HGS: variants seen among roughly 807,000 people sequenced by gnomAD.
The protein encoded by HGS is human growth factor-regulated tyrosine kinase substrate.
HGS carries 63 observed loss-of-function variants against 109.7 expected under a neutral mutation model. The observed-to-expected ratio is 0.57, with a 90% CI of 0.47 to 0.71. HGS has a LOEUF of 0.71. Ranked by LOEUF, HGS falls within the 30% of genes least tolerant of loss-of-function variation. HGS has a pLI of 0.00. For missense variants in HGS, 995 were observed against 1,068.3 expected (o/e 0.93, Z 0.96); for synonymous variants, 546 against 437.3 (o/e 1.25, Z -3.10).
In HGS at chr17:81,695,036, A is replaced by T. The variant is rs1233497594; in HGVS notation, c.1088A>T (p.Glu363Val). Reference protein sequence around the residue: ...PLTEPAAQPGEGHAAPTNVVE... With the variant: ...PLTEPAAQPGVGHAAPTNVVE... ...ACGGAGCCGGCTGCACAGCCTGGGG[A>T]AGGGCACGCAGCCCCCACCAACGTG... The change falls in exon 13 of 22, where the codon GAA (glutamate) becomes GTA (valine). Residue 363 changes from glutamate (E) to valine (V), a missense_variant. Coordinates refer to ENST00000329138, the MANE Select transcript of HGS (RefSeq NM_004712.5). 3.1e-6 allele frequency: 5 copies of T among 1,613,698 alleles called. No individual in the cohort carries two copies. The highest frequency in any genetic ancestry group is 4.2e-6 in the Non-Finnish European group (5 of 1,179,882).
intron 3 of HGS, 85 bp from the exon 4 acceptor site, chr17:81,686,918 C>T (rs1214343497): frequency 9.1e-7 from 1 of 1,098,306 alleles, no homozygotes; most frequent in Non-Finnish European, 1.4e-6. Flanking sequence ...GCTCTGCTGT[C>T]CCACAGGGAG....
At chr17:81,686,139 C>T (rs2144483375) in intron 2 of HGS, 173 bp from the exon 3 acceptor site, 5 of 605,308 alleles carry the variant, frequency 8.3e-6, no homozygotes, top group African/African-American at 1.9e-5. Context: ...CCGTAATGCA[C>T]AGGCTGGTCT....
rs78814570 is a variant in HGS at position 81,696,600 on chromosome 17, C to T, written c.1567-7C>T. On this transcript the variant is annotated splice_region_variant and splice_polypyrimidine_tract_variant and intron_variant, in intron 16 of 21. Transcript: ENST00000329138. ...CGCAGCATAACCAGCATGTTTTTGC[C>T]GCACAGGAGTACCTGGAGGTGCAGA... 14,103 of 1,586,008 alleles carry T rather than the reference C, an allele frequency of 8.9e-3. 79 individuals carry two copies. The highest frequency in any genetic ancestry group is 0.01 in the Non-Finnish European group (12,008 of 1,163,794).
chr17:81,690,997 C>G (rs1279586162), intron 7 of HGS, among the ~76,000 whole-genome samples: 1 of 152,230 alleles, frequency 6.6e-6, no homozygotes, highest in African/African-American at 2.4e-5. Flanking sequence ...ACAGGCCTTG[C>G]CACAGTCACT....
intron 1 of HGS, chr17:81,684,974 G>A (rs2036951912): frequency 2.0e-6 from 2 of 985,390 alleles, no homozygotes; most frequent in African/African-American, 1.7e-5. Context: ...TTGTTAGATC[G>A]TTTCTGTATC....
chr17:81,690,429 C>T, intron 6 of HGS, 195 bp downstream of exon 6: 2 of 664,896 alleles, frequency 3.0e-6, no homozygotes, highest in Non-Finnish European at 5.1e-6. Flanking sequence ...GCTTGAGGGC[C>T]TTTAGAGTGG....
intron 14 of HGS, chr17:81,695,582 T>A: frequency 1.6e-6 from 1 of 613,588 alleles, no homozygotes; most frequent in Non-Finnish European, 2.9e-6. Flanking sequence ...CTGAGCCAGC[T>A]CCGTCCTGAC....
chr17:81,687,134 G>T, intron 4 of HGS, 39 bp downstream of exon 4: 1 of 1,446,918 alleles, frequency 6.9e-7, no homozygotes, highest in Non-Finnish European at 9.7e-7. Flanking sequence ...CACCCAGGCT[G>T]GCACCTTTGC....
chr17:81,701,678 TCTAA>T lies in HGS; in HGVS notation c.*63_*66del. ...TACAGTTCACCTGAAACGCCTCGTC[TCTAA>T]CTGCCGTCGTCCTGCCTCCCTGTCC... On this transcript the variant is annotated 3_prime_UTR_variant, in exon 22 of 22. Coordinates refer to ENST00000329138, the MANE Select transcript of HGS (RefSeq NM_004712.5). 5 of 1,507,918 alleles carry T rather than the reference TCTAA, an allele frequency of 3.3e-6. No individual in the cohort carries two copies. Among genetic ancestry groups the T allele is most frequent in the South Asian group, 2.4e-5 (2 of 82,746 alleles). 93.4% of individuals were successfully genotyped at this position (1,507,918 alleles called of 1,614,324 possible).
At chr17:81,690,330 T>A in intron 6 of HGS, 96 bp downstream of exon 6, 1 of 1,273,412 alleles carries the variant, frequency 7.9e-7, no homozygotes, top group Non-Finnish European at 1.1e-6. Context: ...GGTTGGTGGC[T>A]GAGCTCTCGT....
intron 3 of HGS, among the ~76,000 whole-genome samples, 200 bp downstream of exon 3, chr17:81,686,587 G>A (rs1039840456): frequency 2.0e-5 from 3 of 152,330 alleles, no homozygotes; most frequent in Admixed American, 6.5e-5. Flanking sequence ...CAGGAGATAG[G>A]GGAGGGAGTG....
chr17:81,688,173 A>T (rs1221230730), intron 4 of HGS, among the ~76,000 whole-genome samples: 1 of 152,150 alleles, frequency 6.6e-6, no homozygotes, highest in South Asian at 2.1e-4. Flanking sequence ...GGCGTCCCCG[A>T]GAGGGCCGTA....
intron 18 of HGS, among the ~76,000 whole-genome samples, chr17:81,699,116 T>A (rs974901485): frequency 2.0e-5 from 3 of 152,142 alleles, no homozygotes; most frequent in African/African-American, 7.2e-5. Flanking sequence ...GCAATTTTAA[T>A]CCAATAGCAC....
chr17:81,690,057 C>G (rs960571213), intron 5 of HGS, 125 bp from the exon 6 acceptor site: 8 of 1,021,222 alleles, frequency 7.8e-6, no homozygotes, highest in Non-Finnish European at 1.2e-5. Flanking sequence ...TCTCGGTGCC[C>G]CCAGACACCT....
At chr17:81,694,762 C>A in intron 11 of HGS, 53 bp from the exon 12 acceptor site, 1 of 1,611,764 alleles carries the variant, frequency 6.2e-7, no homozygotes, top group South Asian at 1.1e-5. Context: ...CCTGTCCCTG[C>A]CGAAGCAACT....
intron 15 of HGS, 163 bp from the exon 16 acceptor site, chr17:81,696,194 T>TGCCCTGCCCA: frequency 1.1e-6 from 1 of 935,570 alleles, no homozygotes; most frequent in South Asian, 2.0e-5. Context: ...TGCCCTGCCC[T>TGCCCTGCCCA]GCCCTGCCCA....
intron 1 of HGS, chr17:81,684,848 T>C: frequency 1.0e-6 from 1 of 967,544 alleles, no homozygotes; most frequent in Non-Finnish European, 1.2e-6. Flanking sequence ...ACACCTTCCT[T>C]GCCAAGGGAA....
chr17:81,696,413 C>T lies in HGS; in HGVS notation c.1450C>T (p.Leu484=). The change falls in exon 16 of 22, where the codon CTG becomes TTG. Residue 484 remains leucine (L), a synonymous_variant. Coordinates refer to ENST00000329138, the MANE Select transcript of HGS (RefSeq NM_004712.5). ...ACAGATCCGCGATGCCCGGGGGGCG[C>T]TGAGTGCCCTGCGCGAAGAGCACCG... is the stretch of plus-strand genomic sequence containing the variant. The part of the protein sequence containing the change: ...LAQIRDARGA[L]SALREEHREK... 6.3e-7 allele frequency: 1 copy of T among 1,580,460 alleles called. No individual in the cohort carries two copies.
chr17:81,700,633 G>GCCAGCCCCAGCC (rs142478779), intron 19 of HGS, 33 bp downstream of exon 19: 132 of 1,577,826 alleles, frequency 8.4e-5, no homozygotes, highest in Non-Finnish European at 8.5e-5. Flanking sequence ...TCCTTCCAGG[G>GCCAGCCCCAGCC]CCAGCCCCAG....
Sources: allele counts gnomAD v4.1 joint callset (sites outside exome capture counted in the v4.1 genomes callset), GRCh38; gene constraint gnomAD v4.1.1; transcripts MANE v1.5; gene names NCBI Gene and HGNC (gene_info 2026-07-23, HGNC 2026-07-21).